The following SLC35F4 variants were observed in gnomAD, a reference collection of about 807,000 sequenced individuals.
SLC35F4 encodes solute carrier family 35 member F4, also known as chromosome 14 open reading frame 36.
A neutral mutation model predicts 44.2 loss-of-function variants in SLC35F4; 24 were observed. The observed-to-expected ratio is 0.54, with a 90% confidence interval of 0.39 to 0.76. The LOEUF (loss-of-function observed/expected upper bound fraction) is 0.76. Ranked by LOEUF, SLC35F4 falls within the 30% of genes least tolerant of loss-of-function variation. SLC35F4 has a pLI of 0.00. For synonymous variants in SLC35F4, 238 were observed against 223.6 expected (o/e 1.06, Z -0.57); for missense variants, 562 against 586.1 (o/e 0.96, Z 0.42).
At chr14:57,701,819 C>T (rs566295599) in intron 1 of SLC35F4, among the ~76,000 whole-genome samples, 10 of 152,214 alleles carry the variant, frequency 6.6e-5, no homozygotes, top group Admixed American at 1.3e-4. Flanking sequence ...TATATGAATG[C>T]GATGCCTCTC....
chr14:57,738,747 T>TTATATA (rs1566810110), intron 1 of SLC35F4, among the ~76,000 whole-genome samples: 1 of 41,540 alleles, frequency 2.4e-5, no homozygotes, highest in Non-Finnish European at 4.9e-5. Flanking sequence ...ATTTGAATTT[T>TTATATA]CATATATATA....
chr14:57,862,311 C>A (rs1264618661), intron 1 of SLC35F4, among the ~76,000 whole-genome samples: 2 of 152,200 alleles, frequency 1.3e-5, no homozygotes, highest in African/African-American at 4.8e-5. Context: ...TCATGTCTCA[C>A]CTACGTTATC....
intron 1 of SLC35F4, among the ~76,000 whole-genome samples, chr14:57,881,270 A>G (rs769357412): frequency 2.0e-5 from 3 of 152,176 alleles, no homozygotes; most frequent in Middle Eastern, 3.2e-3. Flanking sequence ...GAACTTATCT[A>G]TTATGAGTTT....
chr14:57,758,372 CTGTA>C (rs2077045162), intron 1 of SLC35F4, among the ~76,000 whole-genome samples: 1 of 151,850 alleles, frequency 6.6e-6, no homozygotes, highest in Non-Finnish European at 1.5e-5. Flanking sequence ...TCTTTTTTCT[CTGTA>C]TGTATCATCT....
At chr14:57,774,427 T>C (rs997767417) in intron 1 of SLC35F4, among the ~76,000 whole-genome samples, 3 of 152,158 alleles carry the variant, frequency 2.0e-5, no homozygotes, top group African/African-American at 7.2e-5. Flanking sequence ...CTCCAACTGG[T>C]GCAGAGTCCA....
At chr14:57,727,506 CTTTTT>C (rs976155580) in intron 1 of SLC35F4, among the ~76,000 whole-genome samples, 2 of 121,792 alleles carry the variant, frequency 1.6e-5, no homozygotes, top group African/African-American at 6.1e-5. Flanking sequence ...TTTTTTTTTT[CTTTTT>C]TAACATAGGC....
chr14:57,595,953 A>T (rs979263224), intron 1 of SLC35F4: 27 of 152,392 alleles, frequency 1.8e-4, no homozygotes, highest in African/African-American at 5.8e-4. Context: ...AATGAGTACA[A>T]ACATATAGTT....
At chr14:57,956,705 T>C (rs573732056) in intron 1 of SLC35F4, among the ~76,000 whole-genome samples, 3 of 152,302 alleles carry the variant, frequency 2.0e-5, no homozygotes, top group Admixed American at 1.3e-4. Flanking sequence ...TCACCATCAC[T>C]GGTCATTAGA....
chr14:57,926,806 C>G (rs1889583754), intron 1 of SLC35F4, among the ~76,000 whole-genome samples: 1 of 151,880 alleles, frequency 6.6e-6, no homozygotes, highest in South Asian at 2.1e-4. Flanking sequence ...ACTCACACAC[C>G]CTTGGCCGAC....
intron 2 of SLC35F4, among the ~76,000 whole-genome samples, chr14:57,592,148 A>G (rs180743721): frequency 6.6e-6 from 1 of 152,350 alleles, no homozygotes; most frequent in East Asian, 1.9e-4. Context: ...CCAGGATTCT[A>G]TCCATTTCTG....
intron 1 of SLC35F4, among the ~76,000 whole-genome samples, chr14:57,720,825 C>A (rs78443983): frequency 0.028 from 4,276 of 151,906 alleles, 205 homozygotes; most frequent in African/African-American, 0.097. Context: ...TCTAGCCTCC[C>A]AGGCTACATC....
rs754984768 is a variant in SLC35F4 at position 57,596,798 on chromosome 14, C to T, written c.104-2674G>A. Reference sequence around the variant, plus strand: ...AAAATATTATGTCCTGGCTTCCATACCTCCTGTTCCTTATGTGATATACCG... The same window carrying T: ...AAAATATTATGTCCTGGCTTCCATATCTCCTGTTCCTTATGTGATATACCG... On this transcript the variant is annotated intron_variant, in intron 1 of 7. Coordinates refer to ENST00000556826, the MANE Select transcript of SLC35F4 (RefSeq NM_001306087.2). The T allele has an allele frequency of 1.2e-5, 17 of 1,367,608 alleles. No individual in the cohort carries two copies. The Admixed American group carries it at 3.2e-4, about 26-fold the overall frequency. 84.7% of individuals were successfully genotyped at this position (1,367,608 alleles called of 1,614,324 possible).
At position 57,644,538 on chromosome 14, in the gene SLC35F4, C is replaced by T. The variant is rs1005701345; in HGVS notation, c.104-50414G>A. On this transcript the variant is annotated intron_variant, in intron 1 of 7. Coordinates refer to ENST00000556826, the MANE Select transcript of SLC35F4 (RefSeq NM_001306087.2). ...AGCCCTTTGTCAGATGAGTAGGTTG[C>T]GAAAATTTTCTCCCATTCTGTAGGT... 2.9e-4 allele frequency among the ~76,000 whole-genome samples: 44 copies of T among 151,472 alleles called. No individual in the cohort carries two copies. In the South Asian group the frequency reaches 3.5e-3, roughly 12 times the overall value.
At chr14:57,773,705 G>A (rs1339895310) in intron 1 of SLC35F4, among the ~76,000 whole-genome samples, 1 of 151,758 alleles carries the variant, frequency 6.6e-6, no homozygotes, top group East Asian at 1.9e-4. Flanking sequence ...CCTGAAACAT[G>A]AAAATAATTA....
rs146736931 is a variant in SLC35F4, at chr14:57,674,752, C to A, written c.104-80628G>T. 1.9e-4 allele frequency among the ~76,000 whole-genome samples: 29 copies of A among 152,164 alleles called. No individual in the cohort carries two copies. In the East Asian group the frequency reaches 4.4e-3, roughly 23 times the overall value. ...AATGACTTTATTACTCACAGCTGTA[C>A]CAGTAGCCAGAGTATCAGCATTTTC... On this transcript the variant is annotated intron_variant, in intron 1 of 7. Coordinates refer to ENST00000556826, the MANE Select transcript of SLC35F4 (RefSeq NM_001306087.2).
intron 1 of SLC35F4, among the ~76,000 whole-genome samples, chr14:57,882,006 G>A (rs1316579817): frequency 1.3e-5 from 2 of 152,028 alleles, no homozygotes; most frequent in African/African-American, 4.8e-5. Context: ...GCTCTTGCTG[G>A]GTCTCCAGGT....
At chr14:57,969,085 G>A (rs943145355) in intron 1 of SLC35F4, among the ~76,000 whole-genome samples, 1 of 152,206 alleles carries the variant, frequency 6.6e-6, no homozygotes, top group African/African-American at 2.4e-5. Flanking sequence ...CACATGAAGA[G>A]ACTAAGCCCA....
chr14:57,884,521 T>C (rs1888607129), intron 1 of SLC35F4, among the ~76,000 whole-genome samples: 1 of 152,172 alleles, frequency 6.6e-6, no homozygotes, highest in African/African-American at 2.4e-5. Flanking sequence ...AAGGGAATAG[T>C]TTATGAGTTT....
At chr14:57,595,753 C>G (rs889007216) in intron 1 of SLC35F4, 2 of 152,150 alleles carry the variant, frequency 1.3e-5, no homozygotes, top group Non-Finnish European at 2.9e-5. Flanking sequence ...TGTCCCCATT[C>G]TTTTGCGTTT....
Sources: allele counts gnomAD v4.1 joint callset (sites outside exome capture counted in the v4.1 genomes callset), GRCh38; gene constraint gnomAD v4.1.1; transcripts MANE v1.5; gene names NCBI Gene and HGNC (gene_info 2026-07-23, HGNC 2026-07-21).